Variants in DACH1 observed in about 807,000 individuals in gnomAD.
The protein encoded by DACH1 is dachshund family transcription factor 1, also known as dachshund homolog 1.
DACH1 carries 12 observed loss-of-function variants against 54.2 expected under a neutral mutation model. That is an observed-to-expected ratio of 0.22 (90% CI 0.14 to 0.36). The LOEUF (loss-of-function observed/expected upper bound fraction) is 0.36. Among genes scored for constraint, DACH1 ranks in the 10% least tolerant of loss-of-function variants. The probability of loss-of-function intolerance (pLI) is 1.00; values close to 1 mark genes in which losing one functional copy is unlikely to be tolerated. For missense variants in DACH1, 805 were observed against 929.8 expected (o/e 0.87, Z 1.75); for synonymous variants, 386 against 366.2 (o/e 1.05, Z -0.62).
chr13:71,847,885 C>T (rs1051826565), intron 1 of DACH1, among the ~76,000 whole-genome samples: 1 of 152,138 alleles, frequency 6.6e-6, no homozygotes, highest in African/African-American at 2.4e-5. Flanking sequence ...AAATATTGGA[C>T]AGGCACCAAG....
intron 7 of DACH1, among the ~76,000 whole-genome samples, chr13:71,487,544 G>A (rs1006946773): frequency 5.9e-5 from 9 of 152,296 alleles, no homozygotes; most frequent in African/African-American, 2.2e-4. Context: ...ACTTTGAAAT[G>A]TAGTGGTCAT....
chr13:71,720,068 C>T (rs1383234726), intron 1 of DACH1, among the ~76,000 whole-genome samples: 2 of 152,066 alleles, frequency 1.3e-5, no homozygotes, highest in Non-Finnish European at 1.5e-5. Context: ...ATTACTTGTA[C>T]ACAGAAGACT....
At chr13:71,677,812 C>A (rs561709328) in intron 2 of DACH1, among the ~76,000 whole-genome samples, 1 of 152,072 alleles carries the variant, frequency 6.6e-6, no homozygotes, top group Non-Finnish European at 1.5e-5. Flanking sequence ...CTTTGCCTCC[C>A]GAGTTCAAGC....
intron 6 of DACH1, among the ~76,000 whole-genome samples, chr13:71,536,217 G>T (rs1427833833): frequency 6.6e-6 from 1 of 151,952 alleles, no homozygotes; most frequent in Non-Finnish European, 1.5e-5. Flanking sequence ...AATGTATTCA[G>T]AAACATCAAA....
At chr13:71,557,874 C>T (rs985621119) in intron 5 of DACH1, among the ~76,000 whole-genome samples, 1 of 126,298 alleles carries the variant, frequency 7.9e-6, no homozygotes, top group Non-Finnish European at 1.7e-5. Context: ...TACTGAAAGA[C>T]AAAATGGACT....
chr13:71,840,736 A>G (rs777770292), intron 1 of DACH1, among the ~76,000 whole-genome samples: 2 of 152,238 alleles, frequency 1.3e-5, no homozygotes, highest in Non-Finnish European at 2.9e-5. Context: ...AGAGCAAGGC[A>G]GTAAAGTATG....
intron 1 of DACH1, among the ~76,000 whole-genome samples, chr13:71,782,476 AAAAT>A (rs1279916464): frequency 2.9e-4 from 44 of 152,128 alleles, no homozygotes; most frequent in African/African-American, 8.2e-4. Context: ...AAATAAAAAT[AAAAT>A]AAATAAATAA....
intron 10 of DACH1, among the ~76,000 whole-genome samples, chr13:71,462,968 C>T (rs910762679): frequency 3.3e-5 from 5 of 151,628 alleles, no homozygotes; most frequent in Non-Finnish European, 5.9e-5. Flanking sequence ...TGTCTATACT[C>T]AGTGAACAAA....
chr13:71,816,655 T>C (rs1473966759), intron 1 of DACH1, among the ~76,000 whole-genome samples: 4 of 24,462 alleles, frequency 1.6e-4, no homozygotes, highest in South Asian at 2.4e-3. Context: ...TGTATATATA[T>C]ACACGTGTAT....
intron 1 of DACH1, among the ~76,000 whole-genome samples, chr13:71,850,960 C>CTATTGTACTA (rs1261367725): frequency 1.3e-5 from 2 of 152,182 alleles, no homozygotes; most frequent in South Asian, 4.1e-4. Flanking sequence ...AAATCTTTAG[C>CTATTGTACTA]TATTGTACTA....
At chr13:71,749,964 A>C (rs1211062136) in intron 1 of DACH1, among the ~76,000 whole-genome samples, 1 of 152,164 alleles carries the variant, frequency 6.6e-6, no homozygotes, top group Non-Finnish European at 1.5e-5. Flanking sequence ...AAATAAACAA[A>C]CACTTGTCTT....
At chr13:71,752,752 T>A (rs1338858161) in intron 1 of DACH1, among the ~76,000 whole-genome samples, 1 of 152,162 alleles carries the variant, frequency 6.6e-6, no homozygotes. Flanking sequence ...CTTAATCTAG[T>A]CATTGAAGAT....
chr13:71,566,992 C>A (rs1256912111), intron 4 of DACH1, among the ~76,000 whole-genome samples: 1 of 152,050 alleles, frequency 6.6e-6, no homozygotes, highest in Non-Finnish European at 1.5e-5. Flanking sequence ...TTTTTATAAT[C>A]TTTTCACATT....
At chr13:71,833,732 T>C (rs1699826404) in intron 1 of DACH1, among the ~76,000 whole-genome samples, 1 of 152,000 alleles carries the variant, frequency 6.6e-6, no homozygotes. Context: ...CCTTCGACAG[T>C]GTCATGCAGT....
intron 6 of DACH1, among the ~76,000 whole-genome samples, chr13:71,527,988 C>G (rs905193559): frequency 1.3e-5 from 2 of 151,518 alleles, no homozygotes; most frequent in Non-Finnish European, 2.9e-5. Flanking sequence ...AAGATGATAA[C>G]AATGTTATGG....
intron 6 of DACH1, among the ~76,000 whole-genome samples, chr13:71,524,702 T>C (rs9529904): frequency 0.94 from 142,325 of 152,116 alleles, 67,317 homozygotes; most frequent in East Asian, 1. Flanking sequence ...TGAGAGCTTA[T>C]TGAGAGCATA....
intron 4 of DACH1, among the ~76,000 whole-genome samples, chr13:71,571,168 ATAAT>A (rs1258933805): frequency 6.6e-6 from 1 of 152,194 alleles, no homozygotes; most frequent in Non-Finnish European, 1.5e-5. Context: ...TAAAAATTAC[ATAAT>A]TAATATTATG....
intron 4 of DACH1, among the ~76,000 whole-genome samples, chr13:71,569,566 C>T (rs905355240): frequency 7.2e-5 from 11 of 152,126 alleles, no homozygotes; most frequent in African/African-American, 2.4e-4. Context: ...ACGTTGGCAG[C>T]TTGGGGATTC....
At chr13:71,766,031 CG>C (rs1294551613) in intron 1 of DACH1, among the ~76,000 whole-genome samples, 1 of 151,980 alleles carries the variant, frequency 6.6e-6, no homozygotes, top group Non-Finnish European at 1.5e-5. Context: ...GGACAACAGG[CG>C]CCCGCCACCA....
Sources: gnomAD v4.1 joint callset for allele counts (sites outside exome capture counted in the v4.1 genomes callset) on GRCh38, gnomAD v4.1.1 for gene constraint, MANE v1.5 for transcripts, NCBI Gene and HGNC (gene_info 2026-07-23, HGNC 2026-07-21) for gene names.